GLYATL1: variants seen among roughly 807,000 people sequenced by gnomAD.
The protein encoded by GLYATL1 is glycine-N-acyltransferase like 1.
In GLYATL1, 15 loss-of-function variants were observed where a neutral mutation model predicts 20.0. The ratio of observed to expected loss-of-function variants is 0.75; its 90% CI spans 0.50 to 1.15. The LOEUF (loss-of-function observed/expected upper bound fraction) is 1.15. GLYATL1 is among the 50% of genes most tolerant of loss of function. GLYATL1 has a pLI of 0.00. For synonymous variants in GLYATL1, 151 were observed against 131.5 expected (o/e 1.15, Z -1.01); for missense variants, 380 against 368.5 (o/e 1.03, Z -0.26).
At chr11:58,941,541 C>T (rs971525937) in intron 1 of GLYATL1, among the ~76,000 whole-genome samples, 14 of 152,080 alleles carry the variant, frequency 9.2e-5, no homozygotes, top group African/African-American at 2.9e-4. Context: ...GATTTATAGC[C>T]ATCCCATTAC....
chr11:58,943,421 C>T (rs930214776), intron 1 of GLYATL1, 122 bp from the exon 2 acceptor site: 125 of 1,526,288 alleles, frequency 8.2e-5, no homozygotes, highest in Middle Eastern at 1.7e-4. Flanking sequence ...ATTTTGACCA[C>T]GAGGCACCCC....
downstream of GLYATL1, among the ~76,000 whole-genome samples, chr11:58,911,321 C>T (rs1855036997): frequency 6.6e-6 from 1 of 152,150 alleles, no homozygotes; most frequent in Non-Finnish European, 1.5e-5. Flanking sequence ...GGTTAATTTT[C>T]ATTTCTCTTG....
rs199765691 is a variant in GLYATL1, at chr11:58,930,099, T to TA, written c.-212+2279dup. Among the ~76,000 whole-genome samples, 187 of 134,580 alleles carry TA rather than the reference T, an allele frequency of 1.4e-3. 1 individual carries two copies. The highest frequency in any genetic ancestry group is 4.4e-3 in the African/African-American group (173 of 39,314). 88.3% of individuals were successfully genotyped at this position (134,580 alleles called of 152,430 possible). A position where few individuals can be genotyped will look rare whatever the true frequency, so the allele number is the denominator to read the frequency against. On this transcript the variant is annotated intron_variant, in intron 1 of 7. Transcript: ENST00000317391. ...AGAGTAGAAGCTCAGGATGCTGCTT[T>TA]AAAAAAAAATTTTTTTCCAAAGTCT...
At chr11:58,925,573 ATT>A (rs907626485), upstream of GLYATL1, among the ~76,000 whole-genome samples, 29 of 151,498 alleles carry the variant, frequency 1.9e-4, no homozygotes, top group African/African-American at 6.6e-4. Flanking sequence ...TTTTTAAATC[ATT>A]CTTTCCCTTT....
chr11:58,938,263 G>A (rs964949358), upstream of GLYATL1, among the ~76,000 whole-genome samples: 1 of 152,060 alleles, frequency 6.6e-6, no homozygotes, highest in Non-Finnish European at 1.5e-5. Context: ...TCTCAAATTT[G>A]GGAACTTTTT....
In GLYATL1 at chr11:58,928,140, T is replaced by G. The variant is rs146157088; in HGVS notation, c.-212+311T>G. 6.6e-5 allele frequency among the ~76,000 whole-genome samples: 10 copies of G among 152,352 alleles called. 1 individual carries two copies. The East Asian group carries it at 1.7e-3, about 26-fold the overall frequency. On this transcript the variant is annotated intron_variant, in intron 1 of 7. Coordinates refer to the GLYATL1 transcript ENST00000317391. The stretch of plus-strand genomic sequence containing the variant: ...ATTACAGCAATTTGTCTAGCATGCA[T>G]GATTAGGTGCCTTAATTGAGCCTGT...
chr11:58,943,720 G>A (rs1856352839), intron 2 of GLYATL1, 54 bp downstream of exon 2: 1 of 1,592,658 alleles, frequency 6.3e-7, no homozygotes, highest in Non-Finnish European at 8.6e-7. Flanking sequence ...TGAGCTCTCT[G>A]AGTTGCTTGG....
chr11:58,956,376 A>G lies in GLYATL1; in HGVS notation c.*349A>G, dbSNP rs555277918. 2.3e-4 allele frequency: 54 copies of G among 235,988 alleles called. No homozygotes were observed. The highest frequency in any genetic ancestry group is 1.1e-3 in the African/African-American group (51 of 44,890). 14.6% of individuals were successfully genotyped at this position (235,988 alleles called of 1,614,324 possible). On this transcript the variant is annotated 3_prime_UTR_variant, in exon 7 of 7. Transcript: ENST00000532726. ...AATCTACTATCTGGAAGATAAATGA[A>G]GGATTTTAATAAAATTTTCAATAGA... is the stretch of plus-strand genomic sequence containing the variant.
rs1463284134 is a variant in GLYATL1 at position 58,955,614 on chromosome 11, A to G, written c.496A>G (p.Thr166Ala). ...CTTTCTTTTTGTTGTCTACAGTGAA[A>G]CTCCCAACTTTAAGTATGCCCAGCT... ...GHPDDEFESE[T>A]PNFKYAQLDV... The change falls in exon 7 of 7, where the codon ACT (threonine) becomes GCT (alanine). Residue 166 changes from threonine (T) to alanine (A), a missense_variant. Coordinates refer to ENST00000532726, the MANE Select transcript of GLYATL1 (RefSeq NM_001389712.2). 1 of 1,612,494 alleles carries G rather than the reference A, an allele frequency of 6.2e-7. No individual in the cohort carries two copies. Among genetic ancestry groups the G allele is most frequent in the African/African-American group, 1.3e-5 (1 of 74,700 alleles).
rs966829877 is a variant in GLYATL1 at position 58,943,772 on chromosome 11, A to T, written c.-43+106A>T. 5 of 1,490,040 alleles carry T rather than the reference A, an allele frequency of 3.4e-6. No individual in the cohort carries two copies. In the East Asian group the frequency reaches 9.3e-5, roughly 28 times the overall value. 92.3% of individuals were successfully genotyped at this position (1,490,040 alleles called of 1,614,324 possible). On this transcript the variant is annotated intron_variant, in intron 2 of 6. Coordinates refer to ENST00000532726, the MANE Select transcript of GLYATL1 (RefSeq NM_001389712.2). ...AAACTGGGTTTGGAGTCACAACAGG[A>T]AACAGACTGGGTCTAGGAACAGATT...
chr11:58,910,551 T>G (rs1157755523), downstream of GLYATL1, among the ~76,000 whole-genome samples: 1 of 152,178 alleles, frequency 6.6e-6, no homozygotes, highest in Non-Finnish European at 1.5e-5. Flanking sequence ...TTTCCATCAC[T>G]GCAGATATGC....
At chr11:58,916,653 C>T (rs1416922630) in intron 1 of GLYATL1, among the ~76,000 whole-genome samples, 3 of 152,226 alleles carry the variant, frequency 2.0e-5, no homozygotes, top group Admixed American at 6.5e-5. Flanking sequence ...CAGTCAAAGC[C>T]TTCCTCTGAG....
chr11:58,913,221 G>C (rs1338707932), downstream of GLYATL1, among the ~76,000 whole-genome samples: 3 of 152,100 alleles, frequency 2.0e-5, no homozygotes, highest in African/African-American at 7.2e-5. Context: ...GAGGAGTTGA[G>C]AGTGGAGGCT....
intron 4 of GLYATL1, 113 bp from the exon 5 acceptor site, chr11:58,954,657 A>G: frequency 1.1e-6 from 1 of 920,136 alleles, no homozygotes; most frequent in Non-Finnish European, 1.7e-6. Flanking sequence ...TGCAGCCATC[A>G]TGGGCCACTG....
intron 4 of GLYATL1, among the ~76,000 whole-genome samples, chr11:58,954,179 T>G (rs534371052): frequency 6.6e-6 from 1 of 152,202 alleles, no homozygotes; most frequent in Non-Finnish European, 1.5e-5. Context: ...CTATTGACTC[T>G]AGGTGTCTGG....
downstream of GLYATL1, among the ~76,000 whole-genome samples, chr11:58,913,595 A>G (rs548012692): frequency 1.1e-4 from 17 of 152,206 alleles, no homozygotes; most frequent in East Asian, 1.9e-4. Flanking sequence ...CAGTTAATAC[A>G]GTGATATTCA....
rs1856001143 is a variant in GLYATL1, at chr11:58,939,658, T to A, written c.-167+8T>A. On this transcript the variant is annotated splice_region_variant and intron_variant, in intron 1 of 6. Coordinates refer to ENST00000532726, the MANE Select transcript of GLYATL1 (RefSeq NM_001389712.2). ...ACATCGGCATCCAGATAGGTGACTG[T>A]CCTTTGTGGGCCCAGACAGAAAGAT... is the stretch of plus-strand genomic sequence containing the variant. 6.6e-6 allele frequency: 1 copy of A among 152,232 alleles called. No individual in the cohort carries two copies. The highest frequency in any genetic ancestry group is 1.5e-5 in the Non-Finnish European group (1 of 68,060). 9.4% of individuals were successfully genotyped at this position (152,232 alleles called of 1,614,324 possible). A position where few individuals can be genotyped will look rare whatever the true frequency, so the allele number is the denominator to read the frequency against.
chr11:58,919,186 C>A (rs1012538876), intron 1 of GLYATL1, among the ~76,000 whole-genome samples: 2 of 152,228 alleles, frequency 1.3e-5, no homozygotes, highest in Non-Finnish European at 2.9e-5. Context: ...CTAAAGCCTG[C>A]ATTTGCCTCC....
chr11:58,954,802 C>A lies in GLYATL1; in HGVS notation c.219C>A (p.Asn73Lys), dbSNP rs142174775. The change falls in exon 5 of 7, where the codon AAC becomes AAA. Residue 73 changes from asparagine (N) to lysine (K), a missense_variant. By Grantham distance (94) the Asn-to-Lys change is moderately conservative. Transcript: ENST00000532726. ...EMTDDMDSYT[N>K]VYRMFSKEPQ... is the part of the protein sequence containing the mutation. ...CTGATGACATGGATTCATACACAAACGTATATCGTATGTTCTCCAAAGAGC... is the reference window on the plus strand; with the variant it reads ...CTGATGACATGGATTCATACACAAAAGTATATCGTATGTTCTCCAAAGAGC... 6.2e-7 allele frequency: 1 copy of A among 1,610,212 alleles called. No individual in the cohort carries two copies.
Sources: allele counts gnomAD v4.1 joint callset (sites outside exome capture counted in the v4.1 genomes callset), GRCh38; gene constraint gnomAD v4.1.1; transcripts MANE v1.5; gene names NCBI Gene and HGNC (gene_info 2026-07-23, HGNC 2026-07-21).